Variants in KCNQ1 observed in about 807,000 individuals in gnomAD.
KCNQ1 encodes the protein potassium voltage-gated channel subfamily Q member 1, also known as potassium voltage-gated channel subfamily KQT member 1.
KCNQ1 carries 49 observed loss-of-function variants against 72.4 expected under a neutral mutation model. That is an observed-to-expected ratio of 0.68 (90% CI 0.54 to 0.86). The LOEUF (loss-of-function observed/expected upper bound fraction) is 0.86. KCNQ1 is among the 40% of genes least tolerant of loss of function. The pLI, the probability that KCNQ1 is intolerant of heterozygous loss-of-function variation, is 0.00. For synonymous variants in KCNQ1, 450 were observed against 412.6 expected (o/e 1.09, Z -1.10); for missense variants, 790 against 945.1 (o/e 0.84, Z 2.15).
At chr11:2,701,475 T>C (rs1267041847) in intron 11 of KCNQ1, among the ~76,000 whole-genome samples, 1 of 152,226 alleles carries the variant, frequency 6.6e-6, no homozygotes, top group African/African-American at 2.4e-5. Flanking sequence ...TTTTGTCATC[T>C]GCCTGTCCGA....
At position 2,673,877 on chromosome 11, in the gene KCNQ1, C is replaced by T. The variant is rs140146802; in HGVS notation, c.1514+11796C>T. ...GATATGAAGAGGGACTTCCTGAAAG[C>T]AGGCACAGGAAGGGATGGGAGCTCA... On this transcript the variant is annotated intron_variant, in intron 11 of 15. Coordinates refer to ENST00000155840, the MANE Select transcript of KCNQ1 (RefSeq NM_000218.3). The surrounding 1 kb of genome is among the most constrained non-coding windows in gnomAD (Gnocchi z 4.5). 7 of 398,434 alleles carry T rather than the reference C, an allele frequency of 1.8e-5. No homozygotes were observed. The highest frequency in any genetic ancestry group is 2.7e-5 in the Non-Finnish European group (6 of 226,148). The allele number at this position is 398,434 out of a possible 1,614,324, so 24.7% of individuals were successfully genotyped here.
At position 2,627,413 on chromosome 11, in the gene KCNQ1, C is replaced by A; in HGVS notation, c.1394-34548C>A. 2.5e-6 allele frequency: 1 copy of A among 398,442 alleles called. No homozygotes were observed. Among genetic ancestry groups the A allele is most frequent in the Non-Finnish European group, 4.4e-6 (1 of 226,028 alleles). The allele number at this position is 398,442 out of a possible 1,614,324, so 24.7% of individuals were successfully genotyped here. On this transcript the variant is annotated intron_variant, in intron 10 of 15. Coordinates refer to ENST00000155840, the MANE Select transcript of KCNQ1 (RefSeq NM_000218.3). The surrounding 1 kb of genome is among the most constrained non-coding windows in gnomAD (Gnocchi z 4.9). ...CTGGACGTTATGTCAAGAACTTATT[C>A]ATCTGATAACTCTATGTTTGTACCC...
At chr11:2,489,070 C>T (rs1846789347) in intron 1 of KCNQ1, among the ~76,000 whole-genome samples, 1 of 152,190 alleles carries the variant, frequency 6.6e-6, no homozygotes, top group South Asian at 2.1e-4. Flanking sequence ...CACAAAAAAG[C>T]ACCTTCATAA....
At chr11:2,584,847 C>T (rs1221783251) in intron 7 of KCNQ1, among the ~76,000 whole-genome samples, 2 of 152,128 alleles carry the variant, frequency 1.3e-5, no homozygotes, top group Non-Finnish European at 2.9e-5. Context: ...CAGCAGGGTC[C>T]TCCTCAGCTG....
chr11:2,674,714 C>T lies in KCNQ1; in HGVS notation c.1514+12633C>T, dbSNP rs1045309516. The T allele has an allele frequency of 2.5e-6, 1 of 398,304 alleles. No homozygotes were observed. Among genetic ancestry groups the T allele is most frequent in the Non-Finnish European group, 4.4e-6 (1 of 226,038 alleles). 24.7% of individuals were successfully genotyped at this position (398,304 alleles called of 1,614,324 possible). A position where few individuals can be genotyped will look rare whatever the true frequency, so the allele number is the denominator to read the frequency against. The stretch of plus-strand genomic sequence containing the variant: ...TTAAACCTTTCCTGATGACTCCTTC[C>T]TTCTGAACTTAACTCGTTAAAGTTG... On this transcript the variant is annotated intron_variant, in intron 11 of 15. Transcript: ENST00000155840. The surrounding 1 kb of genome is among the most constrained non-coding windows in gnomAD (Gnocchi z 5.9).
chr11:2,848,323 T>A lies in KCNQ1; in HGVS notation c.*320T>A. On this transcript the variant is annotated 3_prime_UTR_variant, in exon 16 of 16. Transcript: ENST00000155840. ...GTGGCAGGGCACAGGGCCTGGCCCA[T>A]GTATGGCCAGGAAGTAGCACAGGCT... The A allele has an allele frequency of 1.7e-6, 1 of 600,218 alleles. No individual in the cohort carries two copies. The highest frequency in any genetic ancestry group is 3.4e-5 in the East Asian group (1 of 29,056). 37.2% of individuals were successfully genotyped at this position (600,218 alleles called of 1,614,324 possible).
intron 10 of KCNQ1, chr11:2,633,693 C>T (rs1358746871): frequency 2.5e-6 from 1 of 398,388 alleles, no homozygotes; most frequent in Non-Finnish European, 4.4e-6. Context: ...TTATTTACTT[C>T]TGGGTTCTCT....
chr11:2,690,501 T>C lies in KCNQ1; in HGVS notation c.1514+28420T>C. The C allele has an allele frequency of 2.5e-6, 1 of 398,064 alleles. No individual in the cohort carries two copies. Among genetic ancestry groups the C allele is most frequent in the Non-Finnish European group, 4.4e-6 (1 of 225,940 alleles). 24.7% of individuals were successfully genotyped at this position (398,064 alleles called of 1,614,324 possible). On this transcript the variant is annotated intron_variant, in intron 11 of 15. Transcript: ENST00000155840. The surrounding 1 kb of genome is among the most constrained non-coding windows in gnomAD (Gnocchi z 5.1). ...CAGCCACTGGGCCCAGTCGGGGGGG[T>C]CTCAGCACCTATCACAAAGAAAGTG... is the stretch of plus-strand genomic sequence containing the variant.
chr11:2,803,544 G>T lies in KCNQ1; in HGVS notation c.1794+25507G>T, dbSNP rs1847314999. Reference sequence around the variant, plus strand: ...TCGCCCTTTCTCCCTGCAGGCACTGGCAGAGCTGGGGGTGATGGGGCTTCA... The same window carrying T: ...TCGCCCTTTCTCCCTGCAGGCACTGTCAGAGCTGGGGGTGATGGGGCTTCA... On this transcript the variant is annotated intron_variant, in intron 15 of 15. Coordinates refer to ENST00000155840, the MANE Select transcript of KCNQ1 (RefSeq NM_000218.3). The surrounding 1 kb of genome is among the most constrained non-coding windows in gnomAD (Gnocchi z 6.4). 1.3e-5 allele frequency among the ~76,000 whole-genome samples: 2 copies of T among 152,252 alleles called. No individual in the cohort carries two copies. The highest frequency in any genetic ancestry group is 3.9e-4 in the East Asian group (2 of 5,162).
In KCNQ1 at chr11:2,564,654, C is replaced by G. The variant is rs1848220745; in HGVS notation, c.478-5974C>G. 6.6e-6 allele frequency among the ~76,000 whole-genome samples: 1 copy of G among 152,194 alleles called. No individual in the cohort carries two copies. The highest frequency in any genetic ancestry group is 1.5e-5 in the Non-Finnish European group (1 of 68,034). On this transcript the variant is annotated intron_variant, in intron 2 of 15. Transcript: ENST00000155840. This position sits in a 1 kb window ranked among gnomAD's most constrained non-coding sequence, Gnocchi z 4.5. ...TTAACCCTTTTTAAGATCACAGTTC[C>G]TTGCGACCATCGCCACCATCCAGCT...
rs966553761 is a variant in KCNQ1 at position 2,824,924 on chromosome 11, TG to T, written c.1795-22839del. 1.8e-4 allele frequency among the ~76,000 whole-genome samples: 28 copies of T among 152,190 alleles called. No homozygotes were observed. The highest frequency in any genetic ancestry group is 6.8e-4 in the African/African-American group (28 of 41,456). On this transcript the variant is annotated intron_variant, in intron 15 of 15. Coordinates refer to ENST00000155840, the MANE Select transcript of KCNQ1 (RefSeq NM_000218.3). This position sits in a 1 kb window ranked among gnomAD's most constrained non-coding sequence, Gnocchi z 5.9. Reference sequence around the variant, plus strand: ...CACAGAGCAGGTTCCCAGTGAGTTCTGGGGCCTCAGTGACTGGGCAAGGACA... The same window carrying T: ...CACAGAGCAGGTTCCCAGTGAGTTCTGGGCCTCAGTGACTGGGCAAGGACA...
Position 2,698,879 on chromosome 11 carries a change from A to T in KCNQ1, c.1514+36798A>T. 1 of 398,448 alleles carries T rather than the reference A, an allele frequency of 2.5e-6. No individual in the cohort carries two copies. The highest frequency in any genetic ancestry group is 4.4e-6 in the Non-Finnish European group (1 of 226,120). 24.7% of individuals were successfully genotyped at this position (398,448 alleles called of 1,614,324 possible). A position where few individuals can be genotyped will look rare whatever the true frequency, so the allele number is the denominator to read the frequency against. ...ACCCGGACTGACTGGGACCCCAACT[A>T]CTCAGATCCCAACTCAGGCAAACTC... On this transcript the variant is annotated intron_variant, in intron 11 of 15. Transcript: ENST00000155840. The surrounding 1 kb of genome is among the most constrained non-coding windows in gnomAD (Gnocchi z 5.1).
chr11:2,778,592 G>A (rs1846757773), intron 15 of KCNQ1, among the ~76,000 whole-genome samples: 1 of 152,120 alleles, frequency 6.6e-6, no homozygotes, highest in Non-Finnish European at 1.5e-5. Flanking sequence ...CCTCAGGCCG[G>A]AGCCTCTCCC....
chr11:2,584,444 T>C (rs1388521586), intron 7 of KCNQ1, among the ~76,000 whole-genome samples: 1 of 151,836 alleles, frequency 6.6e-6, no homozygotes, highest in Non-Finnish European at 1.5e-5. Context: ...TGTGCGTTAG[T>C]TTGTGTTTGT....
Position 2,684,775 on chromosome 11 carries a change from GC to G in KCNQ1, c.1514+22696del, listed in dbSNP as rs1320819890. On this transcript the variant is annotated intron_variant, in intron 11 of 15. Transcript: ENST00000155840. ...AGGGGTAAGGGAGGACTGCCTCCCAGCCTTCCCTCCCCACTGGTCTGGGCAC... is the reference window on the plus strand; with the variant it reads ...AGGGGTAAGGGAGGACTGCCTCCCAGCTTCCCTCCCCACTGGTCTGGGCAC... 12 of 398,542 alleles carry G rather than the reference GC, an allele frequency of 3.0e-5. No individual in the cohort carries two copies. In the Middle Eastern group the frequency reaches 3.7e-3, roughly 124 times the overall value. 24.7% of individuals were successfully genotyped at this position (398,542 alleles called of 1,614,324 possible). A position where few individuals can be genotyped will look rare whatever the true frequency, so the allele number is the denominator to read the frequency against.
At chr11:2,631,479 A>G (rs1017461231) in intron 10 of KCNQ1, 5 of 394,814 alleles carry the variant, frequency 1.3e-5, no homozygotes, top group Admixed American at 4.5e-5. Flanking sequence ...TTGTGTATTA[A>G]TGATTTCATT....
intron 1 of KCNQ1, among the ~76,000 whole-genome samples, chr11:2,472,946 G>A (rs949034918): frequency 3.3e-5 from 5 of 152,048 alleles, no homozygotes; most frequent in Non-Finnish European, 7.4e-5. Context: ...GCACCGAGAT[G>A]GGCATGAGCA....
At chr11:2,666,700 A>T (rs1413066952) in intron 11 of KCNQ1, 1 of 398,610 alleles carries the variant, frequency 2.5e-6, no homozygotes, top group African/African-American at 2.1e-5. Context: ...TTTTGGAGAC[A>T]TCCAGGTCCA....
chr11:2,452,604 G>A (rs536167661), intron 1 of KCNQ1, among the ~76,000 whole-genome samples: 13 of 152,342 alleles, frequency 8.5e-5, no homozygotes, highest in Admixed American at 2.6e-4. Context: ...GTTTGATCTT[G>A]ACGGGCCCTG....
Sources: gnomAD v4.1 joint callset for allele counts (sites outside exome capture counted in the v4.1 genomes callset) on GRCh38, gnomAD v4.1.1 for gene constraint, Gnocchi (gnomAD v3.1) non-coding constraint, MANE v1.5 for transcripts, NCBI Gene and HGNC (gene_info 2026-07-23, HGNC 2026-07-21) for gene names.